NCKAP5: variants seen among roughly 807,000 people sequenced by gnomAD.
NCKAP5 encodes the protein NCK associated protein 5.
Under a neutral mutation model 167.0 loss-of-function variants are expected in NCKAP5, and 92 were observed. The observed-to-expected ratio is 0.55, with a 90% confidence interval of 0.47 to 0.66. NCKAP5 has a LOEUF of 0.66. Among genes scored for constraint, NCKAP5 ranks in the 30% least tolerant of loss-of-function variants. The probability of loss-of-function intolerance (pLI) is 0.00; values close to 1 mark genes in which losing one functional copy is unlikely to be tolerated. For synonymous variants in NCKAP5, 891 were observed against 877.4 expected (o/e 1.02, Z -0.27); for missense variants, 2,378 against 2,315.0 (o/e 1.03, Z -0.56).
At position 133,187,734 on chromosome 2, in the gene NCKAP5, G is replaced by T. The variant is rs770497753; in HGVS notation, c.207+25982C>A. ...TTTCTATAAAATTTCCAGTGAGATG[G>T]CCTTCTTTGTCTCTTTTGATCTTTG... On this transcript the variant is annotated intron_variant, in intron 5 of 19. Transcript: ENST00000409261. Among the ~76,000 whole-genome samples the T allele has an allele frequency of 2.0e-5, 3 of 151,896 alleles. 1 individual carries two copies. Among genetic ancestry groups the T allele is most frequent in the Non-Finnish European group, 4.4e-5 (3 of 67,942 alleles).
chr2:133,353,688 G>A lies in NCKAP5; in HGVS notation c.70-50578C>T, dbSNP rs192990130. Among the ~76,000 whole-genome samples the A allele has an allele frequency of 7.9e-5, 12 of 152,278 alleles. 1 individual carries two copies. Among genetic ancestry groups the A allele is most frequent in the Admixed American group, 3.3e-4 (5 of 15,296 alleles). On this transcript the variant is annotated intron_variant, in intron 3 of 19. Coordinates refer to ENST00000409261, the MANE Select transcript of NCKAP5 (RefSeq NM_207363.3). ...AGATGAGGTGGTGAGAAAAGCAGAA[G>A]AACAGTGGAATGAGACAGCAAAGAA...
the NCKAP5 span, among the ~76,000 whole-genome samples, chr2:133,600,239 G>A: frequency 6.6e-6 from 1 of 152,188 alleles, no homozygotes; most frequent in African/African-American, 2.4e-5. Flanking sequence ...ACATATCCAA[G>A]TGGCCAGAAT....
rs997498850 is a variant in NCKAP5, at chr2:133,227,781, T to C, written c.144-14002A>G. ...TTTGTATCCTGTTTAGATTCTTCTT[T>C]TCTAATCTTTTCAGGACTGTATGAG... is the stretch of plus-strand genomic sequence containing the variant. On this transcript the variant is annotated intron_variant, in intron 4 of 19. Coordinates refer to ENST00000409261, the MANE Select transcript of NCKAP5 (RefSeq NM_207363.3). Among the ~76,000 whole-genome samples, 44 of 152,216 alleles carry C rather than the reference T, an allele frequency of 2.9e-4. 1 individual carries two copies. Among genetic ancestry groups the C allele is most frequent in the Admixed American group, 2.9e-3 (44 of 15,286 alleles).
intron 4 of NCKAP5, among the ~76,000 whole-genome samples, chr2:133,257,044 T>A (rs1574515065): frequency 6.6e-6 from 1 of 152,364 alleles, no homozygotes; most frequent in East Asian, 1.9e-4. Context: ...TGACTTTATC[T>A]AATGTAGACA....
At chr2:132,959,189 T>G (rs911942131) in intron 8 of NCKAP5, among the ~76,000 whole-genome samples, 1 of 151,536 alleles carries the variant, frequency 6.6e-6, no homozygotes, top group Non-Finnish European at 1.5e-5. Context: ...CTACCTAATT[T>G]TAAATAGGAA....
chr2:133,001,133 A>T (rs1355046592), intron 6 of NCKAP5, among the ~76,000 whole-genome samples: 1 of 152,160 alleles, frequency 6.6e-6, no homozygotes, highest in Non-Finnish European at 1.5e-5. Flanking sequence ...TGTAAATTTT[A>T]TCAAAAAAAG....
upstream of NCKAP5, among the ~76,000 whole-genome samples, chr2:133,570,152 A>G (rs950188095): frequency 7.9e-5 from 12 of 152,346 alleles, no homozygotes; most frequent in South Asian, 6.2e-4. Context: ...AGAAGGTGGC[A>G]TATTGAACAC....
In NCKAP5 at chr2:132,673,716, TA is replaced by T. The variant is rs541615039; in HGVS notation, c.5714-412del. 1.3e-3 allele frequency among the ~76,000 whole-genome samples: 205 copies of T among 152,108 alleles called. 2 individuals are homozygous for T. The highest frequency in any genetic ancestry group is 4.5e-3 in the African/African-American group (187 of 41,494). On this transcript the variant is annotated intron_variant, in intron 19 of 19. Transcript: ENST00000409261. ...GTTATGGTAATATGTTTTTTTCTAA[TA>T]AAAAAAAGACATAAAAATCCCCTAA...
At chr2:133,412,381 T>C (rs1688831075) in intron 3 of NCKAP5, among the ~76,000 whole-genome samples, 1 of 152,180 alleles carries the variant, frequency 6.6e-6, no homozygotes, top group Non-Finnish European at 1.5e-5. Context: ...AGCTACCCAG[T>C]GTATGGTACT....
intron 8 of NCKAP5, among the ~76,000 whole-genome samples, chr2:132,938,523 A>T (rs1187832113): frequency 1.3e-5 from 2 of 151,274 alleles, no homozygotes; most frequent in African/African-American, 2.4e-5. Context: ...TCAGACCGAG[A>T]CTCTCCCTGC....
Position 132,874,385 on chromosome 2 carries a change from G to A in NCKAP5, c.648+4463C>T, listed in dbSNP as rs1420749033. On this transcript the variant is annotated intron_variant, in intron 9 of 19. Transcript: ENST00000409261. The stretch of plus-strand genomic sequence containing the variant: ...GGCCTCCCAAAGTGTTGGGATTACA[G>A]GTGTGAGCCACCATGCCCGGCCAAA... Among the ~76,000 whole-genome samples the A allele has an allele frequency of 7.2e-5, 11 of 152,230 alleles. No homozygotes were observed. In the East Asian group the frequency reaches 2.1e-3, roughly 29 times the overall value.
At chr2:133,324,698 A>C (rs1682306085) in intron 3 of NCKAP5, among the ~76,000 whole-genome samples, 2 of 152,164 alleles carry the variant, frequency 1.3e-5, no homozygotes, top group Non-Finnish European at 2.9e-5. Flanking sequence ...TCTAAAGCAC[A>C]TACTGTATTC....
At chr2:133,334,668 G>A (rs1478133428) in intron 3 of NCKAP5, among the ~76,000 whole-genome samples, 1 of 152,126 alleles carries the variant, frequency 6.6e-6, no homozygotes, top group Non-Finnish European at 1.5e-5. Context: ...ATTGGGCTTG[G>A]TTATCAAGCT....
At chr2:133,644,867 A>G in the NCKAP5 span, among the ~76,000 whole-genome samples, 1 of 152,216 alleles carries the variant, frequency 6.6e-6, no homozygotes, top group Non-Finnish European at 1.5e-5. Context: ...TAATAACTAA[A>G]GAACACTGCA....
intron 4 of NCKAP5, among the ~76,000 whole-genome samples, chr2:133,298,299 C>T (rs1680107363): frequency 6.6e-6 from 1 of 152,106 alleles, no homozygotes; most frequent in African/African-American, 2.4e-5. Context: ...TGGAATTATT[C>T]TGACTATCCA....
intron 5 of NCKAP5, among the ~76,000 whole-genome samples, chr2:133,204,493 A>G (rs1365198261): frequency 6.6e-6 from 1 of 152,110 alleles, no homozygotes; most frequent in Non-Finnish European, 1.5e-5. Context: ...TAACTGCTGG[A>G]TATTATTTCA....
At chr2:133,343,600 C>G (rs1340490747) in intron 3 of NCKAP5, among the ~76,000 whole-genome samples, 2 of 152,102 alleles carry the variant, frequency 1.3e-5, no homozygotes, top group Non-Finnish European at 2.9e-5. Context: ...ATCCATGCAT[C>G]CATCCATCCA....
intron 3 of NCKAP5, among the ~76,000 whole-genome samples, chr2:133,458,206 G>A (rs1024637458): frequency 1.4e-4 from 22 of 152,140 alleles, no homozygotes; most frequent in African/African-American, 4.8e-4. Context: ...CTAGAGTAAC[G>A]TTTACTGGAT....
At chr2:133,220,382 A>C (rs1427395400) in intron 4 of NCKAP5, among the ~76,000 whole-genome samples, 1 of 152,230 alleles carries the variant, frequency 6.6e-6, no homozygotes. Flanking sequence ...TACTTCTCTT[A>C]CAGTTAAATG....
Sources: allele counts gnomAD v4.1 joint callset (sites outside exome capture counted in the v4.1 genomes callset), GRCh38; gene constraint gnomAD v4.1.1; transcripts MANE v1.5; gene names NCBI Gene and HGNC (gene_info 2026-07-23, HGNC 2026-07-21).